Variants in LIMK2 observed in about 807,000 individuals in gnomAD.
LIMK2 encodes LIM domain kinase 2.
A neutral mutation model predicts 75.7 loss-of-function variants in LIMK2; 35 were observed. The observed-to-expected ratio is 0.46, with a 90% CI of 0.35 to 0.61. LIMK2 has a LOEUF of 0.61. LIMK2 is among the 20% of genes least tolerant of loss of function. The probability of loss-of-function intolerance (pLI) is 0.00; values close to 1 mark genes in which losing one functional copy is unlikely to be tolerated. For synonymous variants in LIMK2, 301 were observed against 319.2 expected (o/e 0.94, Z 0.61); for missense variants, 623 against 831.0 (o/e 0.75, Z 3.08).
intron 2 of LIMK2, among the ~76,000 whole-genome samples, chr22:31,238,837 C>A (rs185832374): frequency 3.9e-4 from 60 of 152,240 alleles, no homozygotes; most frequent in African/African-American, 1.2e-3. Flanking sequence ...CCCTGCCAGA[C>A]GAGGGCTTTT....
chr22:31,269,983 G>T (rs1315176080), intron 11 of LIMK2, among the ~76,000 whole-genome samples: 1 of 150,932 alleles, frequency 6.6e-6, no homozygotes, highest in Admixed American at 6.6e-5. Flanking sequence ...GGAGGAGGAG[G>T]AGTTACGAGT....
chr22:31,248,662 G>A lies in LIMK2; in HGVS notation c.117-9629G>A, dbSNP rs750636953. On this transcript the variant is annotated intron_variant, in intron 2 of 15. Coordinates refer to ENST00000331728, the MANE Select transcript of LIMK2 (RefSeq NM_005569.4). ...CATGGTGGCCATCTACAGCCGGCCTGAGGCAGTCACAGACGGATTTGCAGC... is the reference window on the plus strand; with the variant it reads ...CATGGTGGCCATCTACAGCCGGCCTAAGGCAGTCACAGACGGATTTGCAGC... The A allele has an allele frequency of 3.7e-6, 6 of 1,614,012 alleles. No homozygotes were observed. In the East Asian group the frequency reaches 1.3e-4, roughly 36 times the overall value.
chr22:31,271,267 G>A, intron 12 of LIMK2, 66 bp downstream of exon 12: 1 of 1,410,276 alleles, frequency 7.1e-7, no homozygotes, highest in Non-Finnish European at 1.0e-6. Flanking sequence ...TGTCACAAAG[G>A]AGGCTGACTT....
chr22:31,271,190 C>T lies in LIMK2; in HGVS notation c.1372C>T (p.Leu458Phe), dbSNP rs746444460. The change falls in exon 12 of 16, where the codon CTC (leucine) becomes TTC (phenylalanine). Residue 458 changes from leucine to phenylalanine, a missense_variant. This residue lies in a region of LIMK2 where 514 missense variants were observed against 661.3 expected (regional missense o/e 0.78). Transcript: ENST00000331728. ...CCGGGATCTGAACTCGCACAACTGC[C>T]TCATCAAGTTGGTATGTCCCACTGC... is the stretch of plus-strand genomic sequence containing the variant. ...IHRDLNSHNCLIKLDKTVVVA... is the reference protein window; with the variant it reads ...IHRDLNSHNCFIKLDKTVVVA... 5 of 1,613,998 alleles carry T rather than the reference C, an allele frequency of 3.1e-6. No homozygotes were observed. The South Asian group carries it at 5.5e-5, about 18-fold the overall frequency.
intron 2 of LIMK2, among the ~76,000 whole-genome samples, chr22:31,241,925 A>C (rs1330850584): frequency 6.6e-6 from 1 of 152,162 alleles, no homozygotes; most frequent in Non-Finnish European, 1.5e-5. Context: ...ATCCAAGTTT[A>C]TGCTGCTGGG....
intron 11 of LIMK2, among the ~76,000 whole-genome samples, chr22:31,268,846 C>T (rs767908734): frequency 5.3e-5 from 8 of 152,194 alleles, no homozygotes; most frequent in Non-Finnish European, 1.2e-4. Context: ...GAGCTGGGAT[C>T]CTGGGCTAAT....
intron 11 of LIMK2, among the ~76,000 whole-genome samples, chr22:31,269,513 C>T (rs908652509): frequency 5.9e-5 from 9 of 151,812 alleles, no homozygotes; most frequent in Middle Eastern, 3.2e-3. Context: ...TGCCTGTAAT[C>T]CCAGCACTTT....
At chr22:31,241,512 TCTC>T (rs1328243346) in intron 2 of LIMK2, among the ~76,000 whole-genome samples, 5 of 152,154 alleles carry the variant, frequency 3.3e-5, no homozygotes, top group Non-Finnish European at 7.4e-5. Flanking sequence ...GGTGCTGTCT[TCTC>T]CTCCTTTTTC....
Position 31,225,628 on chromosome 22 carries a change from G to T in LIMK2, c.17-92G>T. The T allele has an allele frequency of 4.5e-6, 4 of 886,616 alleles. No homozygotes were observed. In the South Asian group the frequency reaches 5.7e-5, roughly 13 times the overall value. The allele number at this position is 886,616 out of a possible 1,614,324, so 54.9% of individuals were successfully genotyped here. On this transcript the variant is annotated intron_variant, in intron 1 of 15. Transcript: ENST00000331728. Reference sequence around the variant, plus strand: ...TTGGCCTAACCCTTTCAAATGAGATGCTGTTAACTCAGTCTTATTCTACAT... The same window carrying T: ...TTGGCCTAACCCTTTCAAATGAGATTCTGTTAACTCAGTCTTATTCTACAT...
At chr22:31,274,278 G>T (rs1218723527) in intron 14 of LIMK2, among the ~76,000 whole-genome samples, 3 of 152,138 alleles carry the variant, frequency 2.0e-5, no homozygotes, top group African/African-American at 7.2e-5. Flanking sequence ...GTTTAGTCAG[G>T]TGACAGCATA....
chr22:31,249,705 G>T (rs1055825633), intron 2 of LIMK2, among the ~76,000 whole-genome samples: 17 of 152,278 alleles, frequency 1.1e-4, no homozygotes, highest in Admixed American at 3.3e-4. Context: ...CTCTAAGCTA[G>T]GTCCAGTGCC....
At chr22:31,214,123 C>T (rs1169267227) in intron 1 of LIMK2, among the ~76,000 whole-genome samples, 2 of 151,944 alleles carry the variant, frequency 1.3e-5, no homozygotes, top group African/African-American at 4.8e-5. Flanking sequence ...GGCCGATTTC[C>T]AGTAACTTTT....
intron 1 of LIMK2, among the ~76,000 whole-genome samples, chr22:31,224,314 T>C (rs746287352): frequency 6.6e-6 from 1 of 152,198 alleles, no homozygotes; most frequent in Non-Finnish European, 1.5e-5. Flanking sequence ...CACCCTCCTT[T>C]CTCAGCCAGT....
At chr22:31,226,178 C>CTTATTTTATT (rs144244697) in intron 2 of LIMK2, among the ~76,000 whole-genome samples, 3,778 of 145,986 alleles carry the variant, frequency 0.026, 101 homozygotes, top group East Asian at 0.13. Context: ...TGTTTGTATT[C>CTTATTTTATT]TTATTTTATT....
chr22:31,277,216 G>A lies in LIMK2; in HGVS notation c.1773-1081G>A, dbSNP rs1005180879. 18 of 1,598,506 alleles carry A rather than the reference G, an allele frequency of 1.1e-5. No homozygotes were observed. The Admixed American group carries it at 1.5e-4, about 14-fold the overall frequency. ...CCGACCTCGTAGCAACAGCAATACC[G>A]GGGGACCCTGCGGCCAGGCCTGGTT... is the stretch of plus-strand genomic sequence containing the variant. On this transcript the variant is annotated intron_variant, in intron 15 of 15. Coordinates refer to ENST00000331728, the MANE Select transcript of LIMK2 (RefSeq NM_005569.4).
intron 7 of LIMK2, among the ~76,000 whole-genome samples, chr22:31,263,210 C>A (rs957241377): frequency 2.0e-5 from 3 of 152,182 alleles, no homozygotes; most frequent in Admixed American, 6.5e-5. Flanking sequence ...GAGGGACCAA[C>A]AACCCCCAAA....
chr22:31,245,647 C>G (rs926748609), intron 2 of LIMK2, among the ~76,000 whole-genome samples: 1 of 152,014 alleles, frequency 6.6e-6, no homozygotes, highest in Non-Finnish European at 1.5e-5. Context: ...GGTTTGTTAC[C>G]CAGGCTGGTC....
intron 2 of LIMK2, among the ~76,000 whole-genome samples, chr22:31,246,183 G>GCGCACACACACACACACACACACA (rs746599250): frequency 9.6e-5 from 13 of 135,096 alleles, no homozygotes; most frequent in East Asian, 2.1e-4. Context: ...ACGCACGCAC[G>GCGCACACACACACACACACACACA]CACACACACA....
Position 31,212,563 on chromosome 22 carries a change from A to G in LIMK2, c.16+139A>G, listed in dbSNP as rs1367188143. ...GTCCGAGCTCCTCAGAAAAGCTGGG[A>G]GGCGGGGTGGGCACAGCGCTCCCCA... On this transcript the variant is annotated intron_variant, in intron 1 of 15. Transcript: ENST00000331728. 4.9e-6 allele frequency: 4 copies of G among 819,636 alleles called. No individual in the cohort carries two copies. The African/African-American group carries it at 7.1e-5, about 15-fold the overall frequency. 50.8% of individuals were successfully genotyped at this position (819,636 alleles called of 1,614,324 possible). A position where few individuals can be genotyped will look rare whatever the true frequency, so the allele number is the denominator to read the frequency against.
Sources: gnomAD v4.1 joint callset for allele counts (sites outside exome capture counted in the v4.1 genomes callset) on GRCh38, gnomAD v4.1.1 for gene constraint, gnomAD v4.1.1 regional missense constraint, MANE v1.5 for transcripts, NCBI Gene and HGNC (gene_info 2026-07-23, HGNC 2026-07-21) for gene names.